CSMD2: variants seen among roughly 807,000 people sequenced by gnomAD.
CSMD2 encodes CUB and sushi domain-containing protein 2.
A neutral mutation model predicts 398.5 loss-of-function variants in CSMD2; 130 were observed. That is an observed-to-expected ratio of 0.33 (90% confidence interval 0.28 to 0.38). The LOEUF (loss-of-function observed/expected upper bound fraction) is 0.38, where lower values mean the gene tolerates loss of function less well. Ranked by LOEUF, CSMD2 falls within the 10% of genes least tolerant of loss-of-function variation. CSMD2 has a pLI of 1.00. For synonymous variants in CSMD2, 1,828 were observed against 1,908.5 expected (o/e 0.96, Z 1.10); for missense variants, 3,829 against 4,764.9 (o/e 0.80, Z 5.78).
chr1:33,950,821 C>T (rs1644986765), intron 3 of CSMD2, among the ~76,000 whole-genome samples: 1 of 152,190 alleles, frequency 6.6e-6, no homozygotes, highest in African/African-American at 2.4e-5. Flanking sequence ...TATGCCATGT[C>T]CCTGGGTATC....
At chr1:33,714,223 G>C (rs1261647327) in intron 21 of CSMD2, among the ~76,000 whole-genome samples, 1 of 152,216 alleles carries the variant, frequency 6.6e-6, no homozygotes, top group African/African-American at 2.4e-5. Context: ...GGCCCACCTA[G>C]TGCCCATCCA....
At chr1:33,824,521 C>T (rs148533200) in intron 7 of CSMD2, among the ~76,000 whole-genome samples, 1 of 152,188 alleles carries the variant, frequency 6.6e-6, no homozygotes, top group African/African-American at 2.4e-5. Flanking sequence ...CAGTCGGAGC[C>T]TGAGACCAAA....
rs377046384 is a variant in CSMD2, at chr1:33,553,818, T to G, written c.8744-3468A>C. 3.3e-5 allele frequency among the ~76,000 whole-genome samples: 5 copies of G among 152,282 alleles called. No individual in the cohort carries two copies. In the East Asian group the frequency reaches 5.8e-4, roughly 18 times the overall value. ...AAGTCTTTATTGTAGGGGGCTGTCC[T>G]GTGCATTGTAGGACGTTTAGCATCG... On this transcript the variant is annotated intron_variant, in intron 55 of 70. Coordinates refer to ENST00000373381, the MANE Select transcript of CSMD2 (RefSeq NM_001281956.2).
At chr1:33,656,462 A>T (rs1304789224) in intron 27 of CSMD2, among the ~76,000 whole-genome samples, 1 of 152,154 alleles carries the variant, frequency 6.6e-6, no homozygotes, top group African/African-American at 2.4e-5. Context: ...GCGGCTCCTA[A>T]TTCCCACTGA....
intron 53 of CSMD2, 94 bp downstream of exon 53, chr1:33,567,499 A>G: frequency 9.9e-7 from 1 of 1,014,008 alleles, no homozygotes; most frequent in Non-Finnish European, 1.4e-6. Context: ...ATATATATTT[A>G]AAACAAACCT....
intron 4 of CSMD2, 74 bp downstream of exon 4, chr1:33,935,686 G>A (rs1441312322): frequency 6.9e-7 from 1 of 1,440,750 alleles, no homozygotes; most frequent in Non-Finnish European, 9.3e-7. Flanking sequence ...CTTTGAGACT[G>A]GATGTCACTG....
At chr1:33,752,029 C>T (rs1057329954) in intron 13 of CSMD2, among the ~76,000 whole-genome samples, 1 of 152,002 alleles carries the variant, frequency 6.6e-6, no homozygotes. Context: ...GAAGAGTTAG[C>T]AGAAGGAGGA....
In CSMD2 at chr1:33,537,303, G is replaced by A; in HGVS notation, c.9805+133C>T. 8.7e-7 allele frequency: 1 copy of A among 1,150,096 alleles called. No individual in the cohort carries two copies. Among genetic ancestry groups the A allele is most frequent in the South Asian group, 1.4e-5 (1 of 69,334 alleles). The allele number at this position is 1,150,096 out of a possible 1,614,324, so 71.2% of individuals were successfully genotyped here. On this transcript the variant is annotated intron_variant, in intron 61 of 70. Coordinates refer to ENST00000373381, the MANE Select transcript of CSMD2 (RefSeq NM_001281956.2). The surrounding 1 kb of genome is among the most constrained non-coding windows in gnomAD (Gnocchi z 4.6). ...GGCTATTTTACATCCTGCTGCAGAAGCTCAGAGGATGAGATGTTCCCTTTT... is the reference window on the plus strand; with the variant it reads ...GGCTATTTTACATCCTGCTGCAGAAACTCAGAGGATGAGATGTTCCCTTTT...
At chr1:33,819,454 C>CCATT (rs1182347187) in intron 9 of CSMD2, among the ~76,000 whole-genome samples, 2 of 152,180 alleles carry the variant, frequency 1.3e-5, no homozygotes, top group African/African-American at 2.4e-5. Context: ...CGTGCCTCAC[C>CCATT]CATTAGACTG....
intron 5 of CSMD2, among the ~76,000 whole-genome samples, chr1:33,879,507 G>A (rs187818241): frequency 4.7e-4 from 72 of 152,308 alleles, no homozygotes; most frequent in Non-Finnish European, 1.0e-4. Flanking sequence ...TCCCTGACCT[G>A]AAAGTCACAC....
intron 1 of CSMD2, among the ~76,000 whole-genome samples, chr1:34,122,175 G>A (rs1226113991): frequency 6.6e-6 from 1 of 152,132 alleles, no homozygotes; most frequent in East Asian, 1.9e-4. Context: ...GTAGGGGGCC[G>A]CTACTGGCAG....
chr1:33,980,280 G>A (rs1017050407), intron 3 of CSMD2, among the ~76,000 whole-genome samples: 2 of 152,112 alleles, frequency 1.3e-5, no homozygotes, highest in African/African-American at 4.8e-5. Flanking sequence ...TGGAGCCTCA[G>A]GACCACTGGC....
chr1:33,720,982 G>A (rs945095504), intron 19 of CSMD2, among the ~76,000 whole-genome samples: 1 of 152,220 alleles, frequency 6.6e-6, no homozygotes, highest in African/African-American at 2.4e-5. Context: ...TTACAGGCAT[G>A]AGCCACCGTG....
At chr1:33,798,930 G>C (rs570273138) in intron 10 of CSMD2, among the ~76,000 whole-genome samples, 2 of 152,360 alleles carry the variant, frequency 1.3e-5, no homozygotes, top group East Asian at 3.9e-4. Context: ...GGATCTGCCA[G>C]CTCAGGGCAG....
At chr1:33,672,715 T>G (rs1644549875) in intron 25 of CSMD2, among the ~76,000 whole-genome samples, 4 of 152,142 alleles carry the variant, frequency 2.6e-5, no homozygotes, top group Admixed American at 2.6e-4. Flanking sequence ...CAACCCCCAG[T>G]AGGGGCGGAC....
intron 3 of CSMD2, among the ~76,000 whole-genome samples, chr1:33,946,915 A>T (rs900541129): frequency 9.2e-5 from 14 of 152,034 alleles, no homozygotes; most frequent in Non-Finnish European, 1.8e-4. Context: ...GATTATAGGC[A>T]TGAGCCACCC....
upstream of CSMD2, chr1:34,165,650 G>A: frequency 9.3e-7 from 1 of 1,070,982 alleles, no homozygotes; most frequent in Non-Finnish European, 1.4e-6. Context: ...ACACACACAG[G>A]CACATACACG....
At position 33,559,156 on chromosome 1, in the gene CSMD2, T is replaced by G; in HGVS notation, c.8554+144A>C. ...CTTTATCTAAGGGTTGAGAAAGTCC[T>G]CATTTATGACCCTTCTCTGCTCCAT... is the stretch of plus-strand genomic sequence containing the variant. On this transcript the variant is annotated intron_variant, in intron 54 of 70. Transcript: ENST00000373381. The surrounding 1 kb of genome is among the most constrained non-coding windows in gnomAD (Gnocchi z 4.0). The G allele has an allele frequency of 1.4e-6, 1 of 704,268 alleles. No homozygotes were observed. Among genetic ancestry groups the G allele is most frequent in the Non-Finnish European group, 2.2e-6 (1 of 450,476 alleles). 43.6% of individuals were successfully genotyped at this position (704,268 alleles called of 1,614,324 possible). A position where few individuals can be genotyped will look rare whatever the true frequency, so the allele number is the denominator to read the frequency against.
At chr1:33,557,122 A>G (rs1033724853) in intron 55 of CSMD2, among the ~76,000 whole-genome samples, 2 of 152,210 alleles carry the variant, frequency 1.3e-5, no homozygotes, top group Non-Finnish European at 2.9e-5. Context: ...GCTACTATGT[A>G]CCAGATACTA....
Sources: gnomAD v4.1 joint callset for allele counts (sites outside exome capture counted in the v4.1 genomes callset) on GRCh38, gnomAD v4.1.1 for gene constraint, Gnocchi (gnomAD v3.1) non-coding constraint, MANE v1.5 for transcripts, NCBI Gene and HGNC (gene_info 2026-07-23, HGNC 2026-07-21) for gene names.